The following ADARB2 variants were observed in gnomAD, a reference collection of about 807,000 sequenced individuals.
The protein encoded by ADARB2 is adenosine deaminase RNA specific B2 (inactive), also known as inactive double-stranded RNA-specific editase B2.
Under a neutral mutation model 62.2 loss-of-function variants are expected in ADARB2, and 25 were observed. The observed-to-expected ratio is 0.40, with a 90% CI of 0.29 to 0.56. The LOEUF (loss-of-function observed/expected upper bound fraction) is 0.56, where lower values mean the gene tolerates loss of function less well. Ranked by LOEUF, ADARB2 falls within the 20% of genes least tolerant of loss-of-function variation. The pLI is 0.43. For synonymous variants in ADARB2, 572 were observed against 500.8 expected, an observed-to-expected ratio of 1.14 and a Z score of -1.90; for missense variants, 1,071 against 1,077.4, an observed-to-expected ratio of 0.99 and a Z score of 0.08.
chr10:1,586,692 C>G (rs544209745), intron 1 of ADARB2, among the ~76,000 whole-genome samples: 1 of 152,304 alleles, frequency 6.6e-6, no homozygotes, highest in South Asian at 2.1e-4. Context: ...CCTTCCTACA[C>G]AGAGAATAGA....
Position 1,241,104 on chromosome 10 carries a change from C to G in ADARB2, c.1361+1027G>C, listed in dbSNP as rs551364180. On this transcript the variant is annotated intron_variant, in intron 5 of 9. Coordinates refer to ENST00000381312, the MANE Select transcript of ADARB2 (RefSeq NM_018702.4). ...TGAAACCCCGTCTCTACTAAAAATA[C>G]AAAAATTAGCCAGGCGTGGTGGTGA... Among the ~76,000 whole-genome samples the G allele has an allele frequency of 1.1e-4, 16 of 152,240 alleles. No homozygotes were observed. In the South Asian group the frequency reaches 1.5e-3, roughly 14 times the overall value.
intron 3 of ADARB2, among the ~76,000 whole-genome samples, chr10:1,300,059 T>C (rs951164378): frequency 6.6e-6 from 1 of 152,188 alleles, no homozygotes; most frequent in Non-Finnish European, 1.5e-5. Flanking sequence ...CCACCACACT[T>C]GTCTCATCTC....
At chr10:1,282,963 G>A (rs1170203810) in intron 3 of ADARB2, among the ~76,000 whole-genome samples, 2 of 152,112 alleles carry the variant, frequency 1.3e-5, no homozygotes, top group East Asian at 1.9e-4. Context: ...TTTCAATTCG[G>A]TGCCTACGTC....
chr10:1,428,503 G>A (rs1245559820), intron 1 of ADARB2, among the ~76,000 whole-genome samples: 1 of 151,740 alleles, frequency 6.6e-6, no homozygotes, highest in Non-Finnish European at 1.5e-5. Flanking sequence ...TAGCCAGGAT[G>A]GTCTCGATCT....
At chr10:1,673,724 A>G (rs570741111) in intron 1 of ADARB2, among the ~76,000 whole-genome samples, 3 of 152,342 alleles carry the variant, frequency 2.0e-5, no homozygotes, top group Non-Finnish European at 2.9e-5. Context: ...GACAGGGCTC[A>G]GGACGGGGAA....
At chr10:1,687,412 G>A (rs370059685) in intron 1 of ADARB2, among the ~76,000 whole-genome samples, 2 of 151,876 alleles carry the variant, frequency 1.3e-5, no homozygotes, top group Admixed American at 6.6e-5. Flanking sequence ...GAGTCATCTC[G>A]TAAATATGGC....
intron 1 of ADARB2, among the ~76,000 whole-genome samples, chr10:1,382,412 G>T (rs1252507145): frequency 6.6e-6 from 1 of 152,224 alleles, no homozygotes; most frequent in Admixed American, 6.5e-5. Context: ...AGCTCTGGGA[G>T]AGAAGCAATT....
At chr10:1,277,523 C>T (rs376030215) in intron 3 of ADARB2, among the ~76,000 whole-genome samples, 6 of 152,220 alleles carry the variant, frequency 3.9e-5, no homozygotes, top group East Asian at 1.9e-4. Context: ...ATAAATTCCT[C>T]GACACATACA....
chr10:1,246,911 A>G (rs1196729367), intron 4 of ADARB2, among the ~76,000 whole-genome samples: 1 of 151,832 alleles, frequency 6.6e-6, no homozygotes, highest in Admixed American at 6.6e-5. Flanking sequence ...TGAATCTATA[A>G]ATTACCTTGG....
chr10:1,552,469 C>A (rs1832639688), intron 1 of ADARB2, among the ~76,000 whole-genome samples: 1 of 152,232 alleles, frequency 6.6e-6, no homozygotes, highest in Non-Finnish European at 1.5e-5. Flanking sequence ...GTGTGTTCAC[C>A]CCACAGTGGC....
At chr10:1,410,755 C>T (rs1307253447) in intron 1 of ADARB2, among the ~76,000 whole-genome samples, 2 of 152,076 alleles carry the variant, frequency 1.3e-5, no homozygotes, top group South Asian at 2.1e-4. Flanking sequence ...TGATTCACCA[C>T]GGGGATGAGC....
intron 1 of ADARB2, among the ~76,000 whole-genome samples, chr10:1,440,422 CTTT>C (rs113675218): frequency 0.14 from 20,693 of 144,028 alleles, 2,142 homozygotes; most frequent in African/African-American, 0.29. Flanking sequence ...CTACAAACGC[CTTT>C]TTTTTTTTTT....
chr10:1,627,683 C>G (rs1833787931), intron 1 of ADARB2, among the ~76,000 whole-genome samples: 1 of 152,240 alleles, frequency 6.6e-6, no homozygotes, highest in Non-Finnish European at 1.5e-5. Context: ...ACAGATTACA[C>G]TAGAAAGAGA....
intron 3 of ADARB2, 137 bp from the exon 4 acceptor site, chr10:1,271,206 C>A (rs1831259184): frequency 3.0e-6 from 2 of 666,048 alleles, no homozygotes; most frequent in Admixed American, 2.6e-5. Flanking sequence ...CTCCTCACAG[C>A]CTTGTCACCA....
In ADARB2 at chr10:1,363,443, T is replaced by C. The variant is rs371841636; in HGVS notation, c.662A>G (p.Asp221Gly). 1.9e-5 allele frequency: 27 copies of C among 1,413,496 alleles called. No homozygotes were observed. The highest frequency in any genetic ancestry group is 2.5e-5 in the Non-Finnish European group (27 of 1,085,040). 87.6% of individuals were successfully genotyped at this position (1,413,496 alleles called of 1,614,324 possible). Residue 221 changes from aspartate to glycine, a missense_variant, in exon 3 of 10, where the codon GAC (aspartate) becomes GGC (glycine). Asp to Gly is a moderately conservative substitution (Grantham distance 94). Coordinates refer to ENST00000381312, the MANE Select transcript of ADARB2 (RefSeq NM_018702.4). ...DFTSDQADFPDTLFQEFEPPA... is the reference protein window; with the variant it reads ...DFTSDQADFPGTLFQEFEPPA... ...GGGCTCGAACTCCTGGAAGAGCGTG[T>C]CGGGGAAATCGGCCTGGTCGGAGGT...
At chr10:1,251,510 T>C (rs1416595197) in intron 4 of ADARB2, among the ~76,000 whole-genome samples, 1 of 152,168 alleles carries the variant, frequency 6.6e-6, no homozygotes, top group Non-Finnish European at 1.5e-5. Flanking sequence ...ATCCATGTCA[T>C]TATACATTTG....
At chr10:1,564,189 C>G (rs1455125861) in intron 1 of ADARB2, among the ~76,000 whole-genome samples, 1 of 152,144 alleles carries the variant, frequency 6.6e-6, no homozygotes, top group East Asian at 1.9e-4. Context: ...AGTTCTAGAT[C>G]CCTGAGGAAT....
At chr10:1,494,737 A>G (rs1189727845) in intron 1 of ADARB2, among the ~76,000 whole-genome samples, 3 of 152,204 alleles carry the variant, frequency 2.0e-5, no homozygotes, top group Non-Finnish European at 1.5e-5. Context: ...ACTCCGAAAT[A>G]CAAAATTCAG....
In ADARB2 at chr10:1,736,531, C is replaced by T. The variant is rs79957938; in HGVS notation, c.100+520G>A. ...CGAGCCCTGTGTTCTCTTTACGACCCAATGTTTACAAATCGACGGGCACCA... is the reference window on the plus strand; with the variant it reads ...CGAGCCCTGTGTTCTCTTTACGACCTAATGTTTACAAATCGACGGGCACCA... On this transcript the variant is annotated intron_variant, in intron 1 of 9. Coordinates refer to ENST00000381312, the MANE Select transcript of ADARB2 (RefSeq NM_018702.4). Among the ~76,000 whole-genome samples, 1,253 of 152,332 alleles carry T rather than the reference C, an allele frequency of 8.2e-3. 13 individuals carry two copies. The highest frequency in any genetic ancestry group is 0.029 in the African/African-American group (1,211 of 41,576).
Sources: gnomAD v4.1 joint callset for allele counts (sites outside exome capture counted in the v4.1 genomes callset) on GRCh38, gnomAD v4.1.1 for gene constraint, MANE v1.5 for transcripts, NCBI Gene and HGNC (gene_info 2026-07-23, HGNC 2026-07-21) for gene names.